The following STON1 variants were observed in gnomAD, a reference collection of about 807,000 sequenced individuals.
STON1 encodes stonin-1.
A neutral mutation model predicts 60.9 loss-of-function variants in STON1; 79 were observed. That is an observed-to-expected ratio of 1.30 (90% CI 1.08 to 1.56). The LOEUF (loss-of-function observed/expected upper bound fraction) is 1.56. Ranked by LOEUF, STON1 falls within the 40% of genes most tolerant of loss-of-function variation. The pLI is 0.00. For missense variants in STON1, 1,166 were observed against 858.9 expected (o/e 1.36, Z -4.47); for synonymous variants, 363 against 306.9 (o/e 1.18, Z -1.91).
intron 1 of STON1, among the ~76,000 whole-genome samples, chr2:48,534,690 G>C (rs1671353409): frequency 6.6e-6 from 1 of 152,098 alleles, no homozygotes; most frequent in African/African-American, 2.4e-5. Flanking sequence ...GGCTGAGCTG[G>C]GAGGATCACC....
intron 1 of STON1, among the ~76,000 whole-genome samples, chr2:48,537,849 C>CA (rs553635752): frequency 0.07 from 5,208 of 73,934 alleles, 226 homozygotes; most frequent in African/African-American, 0.18. Context: ...GACTTCATCT[C>CA]AAAAAAAAAA....
intron 1 of STON1, among the ~76,000 whole-genome samples, chr2:48,575,692 T>G (rs1270810494): frequency 6.9e-6 from 1 of 145,338 alleles, no homozygotes; most frequent in African/African-American, 2.6e-5. Flanking sequence ...ATAAATGAAT[T>G]CTTTTGGATA....
rs1471761828 is a variant in STON1 at position 48,598,216 on chromosome 2, A to C, written c.*2914A>C. 6.6e-6 allele frequency: 1 copy of C among 152,236 alleles called. No individual in the cohort carries two copies. The highest frequency in any genetic ancestry group is 2.4e-5 in the African/African-American group (1 of 41,454). The allele number at this position is 152,236 out of a possible 1,614,324, so 9.4% of individuals were successfully genotyped here. A position where few individuals can be genotyped will look rare whatever the true frequency, so the allele number is the denominator to read the frequency against. On this transcript the variant is annotated 3_prime_UTR_variant, in exon 4 of 4. Transcript: ENST00000404752. ...TTTATCCACTAAAAAAAGATATGTA[A>C]AAAAGATACTTTCCAGCACATAAAT...
chr2:48,564,537 CTTCTTCTTCTTCTTCTTCTT>C (rs1672817733), intron 1 of STON1, among the ~76,000 whole-genome samples: 1 of 50,216 alleles, frequency 2.0e-5, no homozygotes, highest in African/African-American at 7.3e-5. Flanking sequence ...TCTTCTTCTT[CTTCTTCTTCTTCTTCTTCTT>C]CTTCTTCTTC....
intron 2 of STON1, among the ~76,000 whole-genome samples, chr2:48,584,377 C>G (rs766967720): frequency 6.6e-6 from 1 of 152,124 alleles, no homozygotes; most frequent in South Asian, 2.1e-4. Context: ...AAGTGATTTT[C>G]CTGCCTCAGC....
chr2:48,564,490 TTCTTCTTCTTC>T (rs1672798015), intron 1 of STON1, among the ~76,000 whole-genome samples: 3 of 21,544 alleles, frequency 1.4e-4, no homozygotes, highest in Admixed American at 4.8e-4. Flanking sequence ...TTTCTTCTTC[TTCTTCTTCTTC>T]TTCTTCTTCT....
chr2:48,583,751 T>C (rs1235958683), intron 2 of STON1, among the ~76,000 whole-genome samples: 4 of 149,060 alleles, frequency 2.7e-5, no homozygotes, highest in African/African-American at 7.3e-5. Context: ...AAATCTTTTT[T>C]TTCTTTTTTT....
At chr2:48,564,407 CTTCTTCTT>C (rs1672743676) in intron 1 of STON1, among the ~76,000 whole-genome samples, 2 of 19,088 alleles carry the variant, frequency 1.0e-4, no homozygotes, top group African/African-American at 3.7e-4. Context: ...GTGGCGGTGT[CTTCTTCTT>C]CTTCTTCTTC....
chr2:48,545,984 G>A lies in STON1; in HGVS notation c.-48+15768G>A, dbSNP rs556767426. On this transcript the variant is annotated intron_variant, in intron 1 of 3. Coordinates refer to ENST00000404752, the MANE Select transcript of STON1 (RefSeq NM_006873.4). Reference sequence around the variant, plus strand: ...GAAATTTCCCCATGCTGTGGGATATGTATATGAAAAACAATTCTTTCTCTC... The same window carrying A: ...GAAATTTCCCCATGCTGTGGGATATATATATGAAAAACAATTCTTTCTCTC... 4.8e-3 allele frequency among the ~76,000 whole-genome samples: 734 copies of A among 152,302 alleles called. 6 individuals carry two copies. Among genetic ancestry groups the A allele is most frequent in the African/African-American group, 0.017 (688 of 41,554 alleles).
chr2:48,581,725 A>G lies in STON1; in HGVS notation c.1092A>G (p.Thr364=), dbSNP rs764890358. Residue 364 remains threonine (T), a synonymous_variant, in exon 2 of 4, where the codon ACA becomes ACG. Coordinates refer to ENST00000404752, the MANE Select transcript of STON1 (RefSeq NM_006873.4). The stretch of plus-strand genomic sequence containing the variant: ...AAAAAAGGAAATACCATTCTAAGAC[A>G]GAAGTAGTTCATGAACCTGACATAG... ...YTEKRKYHSK[T]EVVHEPDIEQ... 3.1e-6 allele frequency: 5 copies of G among 1,611,534 alleles called. No homozygotes were observed.
chr2:48,547,108 G>A (rs890880504), intron 1 of STON1, among the ~76,000 whole-genome samples: 1 of 152,166 alleles, frequency 6.6e-6, no homozygotes. Flanking sequence ...GAAAGAATAT[G>A]GGGCTGGAAA....
rs546844620 is a variant in STON1 at position 48,549,899 on chromosome 2, G to A, written c.-48+19683G>A. 6.6e-5 allele frequency among the ~76,000 whole-genome samples: 10 copies of A among 151,948 alleles called. No individual in the cohort carries two copies. The South Asian group carries it at 2.1e-3, about 32-fold the overall frequency. On this transcript the variant is annotated intron_variant, in intron 1 of 3. Coordinates refer to ENST00000404752, the MANE Select transcript of STON1 (RefSeq NM_006873.4). ...GAACCTGGCTGGGGGTGGGTGGGGT[G>A]GTGGGACCGACTCTTGTCCTCAACA... is the stretch of plus-strand genomic sequence containing the variant.
intron 3 of STON1, among the ~76,000 whole-genome samples, chr2:48,594,527 A>G (rs1285473696): frequency 6.6e-6 from 1 of 152,196 alleles, no homozygotes; most frequent in East Asian, 1.9e-4. Flanking sequence ...CATGGAGCAT[A>G]GTTTCTAGTG....
intron 2 of STON1, among the ~76,000 whole-genome samples, chr2:48,586,095 C>A (rs547315088): frequency 2.6e-5 from 4 of 152,340 alleles, no homozygotes; most frequent in Admixed American, 2.6e-4. Flanking sequence ...GCCAGGGTAA[C>A]CACACTTATT....
intron 2 of STON1, among the ~76,000 whole-genome samples, chr2:48,590,636 A>AACGCACACACACACACAC (rs1553365754): frequency 7.0e-6 from 1 of 142,034 alleles, no homozygotes; most frequent in Non-Finnish European, 1.5e-5. Context: ...ATTTCCTTAT[A>AACGCACACACACACACAC]ACACACACAC....
chr2:48,565,310 C>T (rs1572955114), intron 1 of STON1, among the ~76,000 whole-genome samples: 2 of 152,088 alleles, frequency 1.3e-5, no homozygotes, highest in Non-Finnish European at 2.9e-5. Context: ...CCTCGGCCTC[C>T]CAAAGTGCCA....
chr2:48,543,974 C>T (rs1018580335), intron 1 of STON1, among the ~76,000 whole-genome samples: 2 of 152,074 alleles, frequency 1.3e-5, no homozygotes, highest in African/African-American at 2.4e-5. Flanking sequence ...TAGGGAATCA[C>T]CAAAGGGGTG....
intron 1 of STON1, among the ~76,000 whole-genome samples, chr2:48,559,119 A>G (rs1262790228): frequency 6.6e-6 from 1 of 152,224 alleles, no homozygotes; most frequent in Non-Finnish European, 1.5e-5. Flanking sequence ...AGCGTTTTAG[A>G]TAAGGGATAT....
intron 1 of STON1, among the ~76,000 whole-genome samples, chr2:48,565,027 C>T (rs1672876258): frequency 6.8e-6 from 1 of 145,988 alleles, no homozygotes; most frequent in African/African-American, 2.5e-5. Flanking sequence ...GCCACTGTCC[C>T]TGGCCCTCCG....
Sources: gnomAD v4.1 joint callset for allele counts (sites outside exome capture counted in the v4.1 genomes callset) on GRCh38, gnomAD v4.1.1 for gene constraint, MANE v1.5 for transcripts, NCBI Gene and HGNC (gene_info 2026-07-23, HGNC 2026-07-21) for gene names.